Variants in DDC observed in about 807,000 individuals in gnomAD.
DDC encodes dopa decarboxylase, also known as aromatic-L-amino-acid decarboxylase.
DDC carries 43 observed loss-of-function variants against 60.0 expected under a neutral mutation model. That is an observed-to-expected ratio of 0.72 (90% CI 0.56 to 0.92). DDC has a LOEUF of 0.92. DDC is among the 40% of genes least tolerant of loss of function. DDC has a pLI of 0.00. For missense variants in DDC, 573 were observed against 620.2 expected (o/e 0.92, Z 0.81); for synonymous variants, 232 against 234.6 (o/e 0.99, Z 0.10).
At chr7:50,524,498 A>T (rs941029750) in intron 6 of DDC, among the ~76,000 whole-genome samples, 18 of 152,246 alleles carry the variant, frequency 1.2e-4, no homozygotes, top group African/African-American at 3.9e-4. Context: ...TCATCCAATT[A>T]GAAAATGGGC....
chr7:50,477,582 T>C (rs1158392499), intron 10 of DDC: 1 of 456,098 alleles, frequency 2.2e-6, no homozygotes, highest in Admixed American at 2.4e-5. Context: ...AGTGCCTACA[T>C]TGTATTTACA....
chr7:50,509,861 GA>G (rs555224345), intron 6 of DDC, among the ~76,000 whole-genome samples: 3,064 of 151,552 alleles, frequency 0.02, 85 homozygotes, highest in African/African-American at 0.064. Context: ...AAGTCTTGGG[GA>G]AAAAAAACCC....
intron 1 of DDC, among the ~76,000 whole-genome samples, chr7:50,558,415 A>C (rs59221245): frequency 0.074 from 11,330 of 152,152 alleles, 789 homozygotes; most frequent in African/African-American, 0.19. Flanking sequence ...TATTCCTCAT[A>C]TTGAACAGCT....
At chr7:50,458,958 C>T (rs1271036584) in intron 14 of DDC, 115 bp from the exon 15 acceptor site, 1 of 151,754 alleles carries the variant, frequency 6.6e-6, no homozygotes, top group Non-Finnish European at 1.5e-5. Flanking sequence ...TCTCCCTCTC[C>T]CCACGGTCTC....
intron 14 of DDC, among the ~76,000 whole-genome samples, chr7:50,460,015 G>A (rs1322428145): frequency 1.4e-5 from 2 of 146,292 alleles, no homozygotes; most frequent in Admixed American, 1.3e-4. Flanking sequence ...GGGAAGTGAG[G>A]ATCCCCTCTG....
At chr7:50,471,639 C>T (rs546016751) in intron 11 of DDC, among the ~76,000 whole-genome samples, 2 of 152,290 alleles carry the variant, frequency 1.3e-5, no homozygotes, top group East Asian at 3.9e-4. Flanking sequence ...TTCGGATCCC[C>T]ACTTTCTTGG....
intron 1 of DDC, among the ~76,000 whole-genome samples, chr7:50,553,484 C>CTTTTTTTTTTTTTTTTTTT (rs5884158): frequency 1.6e-4 from 15 of 90,930 alleles, no homozygotes; most frequent in East Asian, 3.0e-4. Context: ...TCTTTCTTTT[C>CTTTTTTTTTTTTTTTTTTT]TTTTTTTTTT....
At chr7:50,510,760 T>C (rs1047558226) in intron 6 of DDC, among the ~76,000 whole-genome samples, 2 of 150,650 alleles carry the variant, frequency 1.3e-5, no homozygotes, top group African/African-American at 4.9e-5. Flanking sequence ...GGCGGGCGGA[T>C]CACGAGGTCA....
chr7:50,471,166 T>C (rs1585142706), intron 11 of DDC, among the ~76,000 whole-genome samples: 1 of 152,086 alleles, frequency 6.6e-6, no homozygotes, highest in Admixed American at 6.5e-5. Context: ...CCAAGGCAGG[T>C]GGATCACCTG....
chr7:50,550,786 G>C (rs2153552439), intron 1 of DDC, among the ~76,000 whole-genome samples: 1 of 152,330 alleles, frequency 6.6e-6, no homozygotes, highest in East Asian at 1.9e-4. Flanking sequence ...CTATCTCTGT[G>C]AGCAAAGGGA....
chr7:50,524,899 T>C (rs2043997369), intron 6 of DDC, among the ~76,000 whole-genome samples: 1 of 152,182 alleles, frequency 6.6e-6, no homozygotes, highest in African/African-American at 2.4e-5. Context: ...GCATTATTTG[T>C]AATAGCCAAA....
At chr7:50,499,001 A>G (rs929869528) in intron 8 of DDC, 147 bp downstream of exon 8, 1 of 704,082 alleles carries the variant, frequency 1.4e-6, no homozygotes, top group Non-Finnish European at 2.6e-6. Context: ...CTCAGCCCCT[A>G]TTCTGAGGAA....
intron 7 of DDC, among the ~76,000 whole-genome samples, chr7:50,503,630 T>C (rs544665633): frequency 6.6e-6 from 1 of 152,336 alleles, no homozygotes; most frequent in South Asian, 2.1e-4. Flanking sequence ...GTGTGGACAA[T>C]TCTCATATCA....
intron 1 of DDC, 40 bp from the exon 2 acceptor site, chr7:50,544,153 C>G (rs2153550503): frequency 2.7e-6 from 4 of 1,501,532 alleles, no homozygotes; most frequent in Middle Eastern, 1.7e-4. Flanking sequence ...ATTTTGCAAC[C>G]TCTGAACTGG....
intron 7 of DDC, among the ~76,000 whole-genome samples, chr7:50,503,248 A>G (rs193195543): frequency 6.6e-6 from 1 of 152,322 alleles, no homozygotes; most frequent in Non-Finnish European, 1.5e-5. Flanking sequence ...TCCTAGAGGG[A>G]CAGAGAAAGG....
intron 6 of DDC, among the ~76,000 whole-genome samples, chr7:50,525,728 C>T (rs1419912792): frequency 1.3e-5 from 2 of 151,936 alleles, no homozygotes; most frequent in Admixed American, 1.3e-4. Flanking sequence ...TGCATCACTG[C>T]ACTCCAACCT....
chr7:50,467,101 G>C, intron 13 of DDC, 113 bp downstream of exon 13: 1 of 988,446 alleles, frequency 1.0e-6, no homozygotes, highest in Admixed American at 1.7e-5. Context: ...TGCAGGCTTT[G>C]CTCTGCCATC....
intron 11 of DDC, among the ~76,000 whole-genome samples, chr7:50,472,811 G>A (rs557905753): frequency 8.5e-5 from 13 of 152,144 alleles, no homozygotes; most frequent in Non-Finnish European, 1.6e-4. Context: ...ACTGACGGGG[G>A]ATAGAACTAC....
chr7:50,462,226 C>CAAAAAAAAAAAAAAAAAAAAAAAAAA (rs11410259), intron 14 of DDC, among the ~76,000 whole-genome samples: 2 of 75,380 alleles, frequency 2.7e-5, no homozygotes, highest in East Asian at 4.4e-4. Context: ...GACAAAAAGA[C>CAAAAAAAAAAAAAAAAAAAAAAAAAA]AAAAAAAAAA....
Sources: gnomAD v4.1 joint callset for allele counts (sites outside exome capture counted in the v4.1 genomes callset) on GRCh38, gnomAD v4.1.1 for gene constraint, MANE v1.5 for transcripts, NCBI Gene and HGNC (gene_info 2026-07-23, HGNC 2026-07-21) for gene names.